Variants in GLIS3 observed in about 807,000 individuals in gnomAD.
The protein encoded by GLIS3 is zinc finger protein GLIS3.
A neutral mutation model predicts 78.6 loss-of-function variants in GLIS3; 53 were observed. The ratio of observed to expected loss-of-function variants is 0.67; its 90% CI spans 0.54 to 0.85. The LOEUF (loss-of-function observed/expected upper bound fraction) is 0.85, where lower values mean the gene tolerates loss of function less well. Among genes scored for constraint, GLIS3 ranks in the 40% least tolerant of loss-of-function variants. The pLI, the probability that GLIS3 is intolerant of heterozygous loss-of-function variation, is 0.00. For synonymous variants in GLIS3, 684 were observed against 509.9 expected (o/e 1.34, Z -4.60); for missense variants, 1,703 against 1,231.1 (o/e 1.38, Z -5.74).
upstream of GLIS3, among the ~76,000 whole-genome samples, chr9:4,302,327 G>A (rs990291554): frequency 2.6e-5 from 4 of 152,298 alleles, no homozygotes; most frequent in South Asian, 2.1e-4. Flanking sequence ...TGTTGTATGT[G>A]CCTCAACCGC....
the GLIS3 span, among the ~76,000 whole-genome samples, chr9:4,395,142 G>C: frequency 2.0e-5 from 3 of 152,278 alleles, no homozygotes; most frequent in South Asian, 4.2e-4. Context: ...GTTTTATGCA[G>C]ACCATGTTCA....
At chr9:3,857,096 C>T (rs1819845550) in intron 8 of GLIS3, among the ~76,000 whole-genome samples, 1 of 152,100 alleles carries the variant, frequency 6.6e-6, no homozygotes, top group South Asian at 2.1e-4. Flanking sequence ...CAAAATGATC[C>T]TCCAGGTGCC....
At chr9:4,320,374 G>C (rs1018720836) in intron 2 of GLIS3, among the ~76,000 whole-genome samples, 1 of 152,064 alleles carries the variant, frequency 6.6e-6, no homozygotes, top group Non-Finnish European at 1.5e-5. Flanking sequence ...GGACTGAAAA[G>C]GCATCTTCAG....
rs1043245306 is a variant in GLIS3 at position 4,299,893 on chromosome 9, G to A, written c.-571C>T. The A allele has an allele frequency of 1.3e-5, 2 of 152,138 alleles. No individual in the cohort carries two copies. The highest frequency in any genetic ancestry group is 2.4e-5 in the African/African-American group (1 of 41,410). 9.4% of individuals were successfully genotyped at this position (152,138 alleles called of 1,614,324 possible). ...CGTCGCCGGTGTGACCCTGGACGGC[G>A]CGGACGGCGTACAGGGGGTCCCGGG... is the stretch of plus-strand genomic sequence containing the variant. On this transcript the variant is annotated 5_prime_UTR_variant, in exon 1 of 11. Transcript: ENST00000381971.
chr9:4,123,474 A>G (rs1455457873), intron 3 of GLIS3, among the ~76,000 whole-genome samples: 1 of 152,152 alleles, frequency 6.6e-6, no homozygotes, highest in East Asian at 1.9e-4. Context: ...GATCCAATAA[A>G]GCATTATTTA....
intron 4 of GLIS3, among the ~76,000 whole-genome samples, chr9:4,001,901 T>C (rs1423572018): frequency 1.3e-5 from 2 of 152,194 alleles, no homozygotes; most frequent in Non-Finnish European, 2.9e-5. Flanking sequence ...CATTCTCCCA[T>C]ATACATCTTA....
chr9:4,421,568 T>C, the GLIS3 span, among the ~76,000 whole-genome samples: 1 of 152,210 alleles, frequency 6.6e-6, no homozygotes, highest in African/African-American at 2.4e-5. Flanking sequence ...CTCAATGGAT[T>C]TCACCAGAAT....
chr9:4,408,544 C>A, the GLIS3 span, among the ~76,000 whole-genome samples: 3 of 151,046 alleles, frequency 2.0e-5, no homozygotes, highest in Non-Finnish European at 4.4e-5. Context: ...CTGGCTAACA[C>A]GGTGAAATCC....
chr9:4,173,035 G>A (rs1196103336), intron 2 of GLIS3, among the ~76,000 whole-genome samples: 3 of 152,070 alleles, frequency 2.0e-5, no homozygotes, highest in African/African-American at 7.3e-5. Context: ...AACACTATGT[G>A]GACTTAAGAA....
intron 2 of GLIS3, among the ~76,000 whole-genome samples, chr9:4,319,805 A>C (rs1427906456): frequency 1.3e-5 from 2 of 152,154 alleles, no homozygotes; most frequent in Non-Finnish European, 2.9e-5. Flanking sequence ...ACCTCTTAAA[A>C]TGTTATCACA....
the GLIS3 span, among the ~76,000 whole-genome samples, chr9:4,404,796 T>C: frequency 3.3e-5 from 5 of 152,012 alleles, no homozygotes; most frequent in African/African-American, 9.7e-5. Context: ...GCTAATGATA[T>C]ATCTTAAAGA....
rs1035765284 is a variant in GLIS3 at position 4,085,454 on chromosome 9, T to G, written c.1710+32314A>C. 7.2e-5 allele frequency among the ~76,000 whole-genome samples: 11 copies of G among 152,286 alleles called. No homozygotes were observed. The South Asian group carries it at 1.0e-3, about 14-fold the overall frequency. ...AGACCTCACTTTTCTTGATGGCCACTGCCACCCTCTCATTTTATCCTGTCC... is the reference window on the plus strand; with the variant it reads ...AGACCTCACTTTTCTTGATGGCCACGGCCACCCTCTCATTTTATCCTGTCC... On this transcript the variant is annotated intron_variant, in intron 4 of 10. Coordinates refer to ENST00000381971, the MANE Select transcript of GLIS3 (RefSeq NM_001042413.2).
chr9:4,028,417 G>A (rs1823530306), intron 4 of GLIS3, among the ~76,000 whole-genome samples: 1 of 152,062 alleles, frequency 6.6e-6, no homozygotes, highest in Admixed American at 6.6e-5. Context: ...AAATCACGCA[G>A]CCTTTATATT....
chr9:3,996,836 G>A (rs1434716515), intron 4 of GLIS3, among the ~76,000 whole-genome samples: 3 of 152,040 alleles, frequency 2.0e-5, no homozygotes, highest in Admixed American at 2.0e-4. Flanking sequence ...TAATAGGAAT[G>A]AAAGGGTGAT....
chr9:4,139,545 T>G (rs192791223), intron 2 of GLIS3, among the ~76,000 whole-genome samples: 1 of 152,262 alleles, frequency 6.6e-6, no homozygotes, highest in Admixed American at 6.5e-5. Context: ...TTCCCTCCTG[T>G]TACATACAGA....
intron 2 of GLIS3, among the ~76,000 whole-genome samples, chr9:4,199,997 CAAG>C (rs1278488167): frequency 2.0e-5 from 3 of 152,054 alleles, no homozygotes; most frequent in East Asian, 1.9e-4. Context: ...AAATCAATAC[CAAG>C]AAGACCTCTC....
chr9:4,054,566 T>C (rs1188604167), intron 4 of GLIS3: 1 of 803,028 alleles, frequency 1.2e-6, no homozygotes, highest in African/African-American at 1.9e-5. Flanking sequence ...AGGTCACAAG[T>C]CACACCAGTC....
intron 4 of GLIS3, among the ~76,000 whole-genome samples, chr9:4,036,585 G>C (rs1055563039): frequency 6.6e-6 from 1 of 152,156 alleles, no homozygotes; most frequent in Non-Finnish European, 1.5e-5. Context: ...GAGACTCCAA[G>C]AGTGCTAGAG....
rs1035441503 is a variant in GLIS3 at position 4,171,378 on chromosome 9, T to C, written c.389-45437A>G. Among the ~76,000 whole-genome samples, 6 of 152,142 alleles carry C rather than the reference T, an allele frequency of 3.9e-5. No homozygotes were observed. The South Asian group carries it at 8.3e-4, about 21-fold the overall frequency. ...AGATACTGCTTAGAGAGAGATTAGA[T>C]TGAAATTTAACCTATCACATTCTGT... On this transcript the variant is annotated intron_variant, in intron 2 of 10. Transcript: ENST00000381971.
Sources: gnomAD v4.1 joint callset for allele counts (sites outside exome capture counted in the v4.1 genomes callset) on GRCh38, gnomAD v4.1.1 for gene constraint, MANE v1.5 for transcripts, NCBI Gene and HGNC (gene_info 2026-07-23, HGNC 2026-07-21) for gene names.